The following MAOA variants were observed in gnomAD, a reference collection of about 807,000 sequenced individuals.
MAOA encodes amine oxidase [flavin-containing] A.
A neutral mutation model predicts 42.0 loss-of-function variants in MAOA; 6 were observed. That is an observed-to-expected ratio of 0.14 (90% CI 0.08 to 0.28). The LOEUF is 0.28. Ranked by LOEUF, MAOA falls within the 10% of genes least tolerant of loss-of-function variation. The pLI, the probability that MAOA is intolerant of heterozygous loss-of-function variation, is 1.00. For synonymous variants in MAOA, 140 were observed against 154.0 expected (o/e 0.91, Z 0.67); for missense variants, 262 against 422.3 (o/e 0.62, Z 3.33).
chrX:43,695,828 C>T (rs1302324410), intron 3 of MAOA, among the ~76,000 whole-genome samples: 1 of 112,213 alleles, frequency 8.9e-6, no homozygotes, highest in Non-Finnish European at 1.9e-5. Context: ...AATTTAGCTC[C>T]TCATTGTTCT....
At chrX:43,707,081 C>A (rs1375766066) in intron 3 of MAOA, among the ~76,000 whole-genome samples, 1 of 111,357 alleles carries the variant, frequency 9.0e-6, no homozygotes, top group Admixed American at 9.6e-5. Flanking sequence ...AAATGTAAAC[C>A]ATAAGACTGT....
At position 43,681,627 on chromosome X, in the gene MAOA, C is replaced by T. The variant is rs759776134; in HGVS notation, c.74-1886C>T. On this transcript the variant is annotated intron_variant, in intron 1 of 14. Coordinates refer to ENST00000338702, the MANE Select transcript of MAOA (RefSeq NM_000240.4). ...TTAGAATAGTTCTCCTCCTCAACCA[C>T]TTGTATACATATTTAGGTATAATTT... 3.7e-4 allele frequency among the ~76,000 whole-genome samples: 41 copies of T among 111,047 alleles called. No homozygotes were observed. The South Asian group carries it at 3.8e-3, about 10-fold the overall frequency.
chrX:43,740,833 AAG>A, intron 11 of MAOA, 95 bp downstream of exon 11: 1 of 805,086 alleles, frequency 1.2e-6, no homozygotes, highest in Non-Finnish European at 1.8e-6. Context: ...CAGTCTTATG[AAG>A]AGAGTATAAA....
At chrX:43,708,664 T>TG (rs2033676056) in intron 3 of MAOA, among the ~76,000 whole-genome samples, 1 of 86,719 alleles carries the variant, frequency 1.2e-5, no homozygotes, top group African/African-American at 8.6e-5. Flanking sequence ...TTCTTGTTGT[T>TG]TTTTTTTTTT....
intron 2 of MAOA, among the ~76,000 whole-genome samples, chrX:43,689,797 T>C (rs1407883204): frequency 9.0e-6 from 1 of 111,606 alleles, no homozygotes. Flanking sequence ...TTTCCTCCAA[T>C]CTGGGTCCTA....
intron 3 of MAOA, among the ~76,000 whole-genome samples, chrX:43,710,231 A>G (rs2147093515): frequency 8.9e-6 from 1 of 112,852 alleles, no homozygotes; most frequent in African/African-American, 3.2e-5. Context: ...AATAAATGTT[A>G]GTGATGATGG....
At chrX:43,663,466 C>T (rs777681614) in intron 1 of MAOA, among the ~76,000 whole-genome samples, 2 of 111,577 alleles carry the variant, frequency 1.8e-5, no homozygotes, top group Non-Finnish European at 3.8e-5. Flanking sequence ...AGAATGGTGG[C>T]CTGTAAGAGC....
At chrX:43,655,354 C>T (rs1379457697), upstream of MAOA, 2 of 112,735 alleles carry the variant, frequency 1.8e-5, no homozygotes, top group Non-Finnish European at 3.7e-5. Flanking sequence ...CTAGCCAGTT[C>T]CCAGTGGAGC....
At chrX:43,730,209 AAAAAG>A (rs2033869997) in intron 6 of MAOA, among the ~76,000 whole-genome samples, 1 of 108,731 alleles carries the variant, frequency 9.2e-6, no homozygotes. Context: ...AAAAAAAAAA[AAAAAG>A]AATCTTCTAT....
chrX:43,743,722 G>A (rs1050045796), intron 12 of MAOA, 72 bp from the exon 13 acceptor site: 6 of 1,065,638 alleles, frequency 5.6e-6, no homozygotes, highest in Non-Finnish European at 7.7e-6. Context: ...GACTAAATGA[G>A]GGCAGTGATT....
At chrX:43,727,476 C>G (rs1326123656) in intron 5 of MAOA, among the ~76,000 whole-genome samples, 1 of 112,148 alleles carries the variant, frequency 8.9e-6, no homozygotes, top group South Asian at 3.7e-4. Flanking sequence ...ATAAAACTGC[C>G]TACTCAAGCC....
chrX:43,702,925 C>G (rs897142768), intron 3 of MAOA, among the ~76,000 whole-genome samples: 5 of 111,243 alleles, frequency 4.5e-5, no homozygotes, highest in Non-Finnish European at 7.5e-5. Flanking sequence ...GTGGCTCACA[C>G]TTGCGGACCA....
At chrX:43,723,953 A>G (rs1331286562) in intron 5 of MAOA, among the ~76,000 whole-genome samples, 3 of 110,905 alleles carry the variant, frequency 2.7e-5, no homozygotes, top group East Asian at 5.7e-4. Context: ...GGTTTTTGTC[A>G]TTGGTTCTGT....
rs747281025 is a variant in MAOA, at chrX:43,683,602, A to G, written c.163A>G (p.Ile55Val). 11 of 1,184,975 alleles carry G rather than the reference A, an allele frequency of 9.3e-6. 1 individual carries two copies. In the Admixed American group the frequency reaches 1.1e-4, roughly 12 times the overall value. The change falls in exon 2 of 15, where the codon ATA becomes GTA. Residue 55 changes from isoleucine to valine, a missense_variant. Coordinates refer to ENST00000338702, the MANE Select transcript of MAOA (RefSeq NM_000240.4). ...CAGGGTTGGAGGAAGAACATATACT[A>G]TAAGGGTAAGTGATTTTAATACTTA... ...RDRVGGRTYT[I>V]RNEHVDYVDV...
intron 6 of MAOA, among the ~76,000 whole-genome samples, chrX:43,729,597 A>G (rs776381626): frequency 2.7e-5 from 3 of 111,765 alleles, no homozygotes; most frequent in Admixed American, 9.5e-5. Context: ...TTGAGGAAAG[A>G]CAAATCATGA....
At chrX:43,686,792 C>T (rs1051112097) in intron 2 of MAOA, among the ~76,000 whole-genome samples, 3 of 110,507 alleles carry the variant, frequency 2.7e-5, no homozygotes, top group Non-Finnish European at 5.7e-5. Context: ...GGAGTGAAAC[C>T]CTGACTCAAA....
intron 3 of MAOA, 27 bp from the exon 4 acceptor site, chrX:43,711,844 AT>A (rs1404209359): frequency 1.9e-6 from 2 of 1,072,240 alleles, no homozygotes; most frequent in Admixed American, 4.4e-5. Context: ...ACTCTTTTTG[AT>A]TGATTCTGTT....
At chrX:43,695,979 T>C (rs2033575698) in intron 3 of MAOA, among the ~76,000 whole-genome samples, 1 of 111,794 alleles carries the variant, frequency 8.9e-6, no homozygotes, top group African/African-American at 3.3e-5. Flanking sequence ...GTGTTAGACT[T>C]TCTGATGTCT....
At chrX:43,665,310 A>G (rs982554756) in intron 1 of MAOA, among the ~76,000 whole-genome samples, 8 of 111,552 alleles carry the variant, frequency 7.2e-5, no homozygotes, top group Non-Finnish European at 1.1e-4. Flanking sequence ...TCAGGACCAT[A>G]TGCCAGTGTG....
Sources: allele counts gnomAD v4.1 joint callset (sites outside exome capture counted in the v4.1 genomes callset), GRCh38; gene constraint gnomAD v4.1.1; transcripts MANE v1.5; gene names NCBI Gene and HGNC (gene_info 2026-07-23, HGNC 2026-07-21).